Variants in PRKG1 observed in about 807,000 individuals in gnomAD.
PRKG1 encodes protein kinase cGMP-dependent 1, also known as cGMP-dependent protein kinase 1.
PRKG1 carries 35 observed loss-of-function variants against 88.1 expected under a neutral mutation model. That is an observed-to-expected ratio of 0.40 (90% CI 0.30 to 0.53). PRKG1 has a LOEUF of 0.53. Among genes scored for constraint, PRKG1 ranks in the 20% least tolerant of loss-of-function variants. The pLI is 0.59. For missense variants in PRKG1, 540 were observed against 839.8 expected (o/e 0.64, Z 4.41); for synonymous variants, 303 against 292.5 (o/e 1.04, Z -0.37).
intron 3 of PRKG1, among the ~76,000 whole-genome samples, chr10:51,578,729 C>A (rs1326412994): frequency 6.6e-6 from 1 of 152,062 alleles, no homozygotes; most frequent in Non-Finnish European, 1.5e-5. Flanking sequence ...CCAACATTTT[C>A]AATAGAGTCT....
At chr10:51,688,282 C>A (rs986704422) in intron 3 of PRKG1, among the ~76,000 whole-genome samples, 60 of 151,978 alleles carry the variant, frequency 3.9e-4, no homozygotes, top group Admixed American at 3.7e-3. Context: ...CCAGGTGATG[C>A]TGGTGCTGCT....
At position 51,091,852 on chromosome 10, in the gene PRKG1, C is replaced by T. The variant is rs533319753; in HGVS notation, c.311+16951C>T. 2.0e-5 allele frequency among the ~76,000 whole-genome samples: 3 copies of T among 152,258 alleles called. No individual in the cohort carries two copies. The East Asian group carries it at 5.8e-4, about 29-fold the overall frequency. ...GGGAATAATTGCTCCATTTTAGGGA[C>T]AGCAAAAGTAAAGCAAGCTCAGAGA... On this transcript the variant is annotated intron_variant, in intron 1 of 17. Transcript: ENST00000373980.
At chr10:52,128,551 C>T (rs1476127976) in intron 7 of PRKG1, 10 of 985,270 alleles carry the variant, frequency 1.0e-5, no homozygotes, top group South Asian at 4.7e-5. Flanking sequence ...AGTCAGTGCA[C>T]GGAAACCTAT....
intron 1 of PRKG1, among the ~76,000 whole-genome samples, chr10:51,114,242 G>A (rs1845052505): frequency 6.6e-6 from 1 of 152,150 alleles, no homozygotes; most frequent in Non-Finnish European, 1.5e-5. Flanking sequence ...GAAAGCTAGG[G>A]AGGTTGTGGA....
intron 2 of PRKG1, among the ~76,000 whole-genome samples, chr10:51,439,650 A>C (rs293244): frequency 0.68 from 102,929 of 151,736 alleles, 35,759 homozygotes; most frequent in African/African-American, 0.79. Flanking sequence ...AAATTCCACT[A>C]AGCAAAGAAC....
At chr10:51,497,814 G>T (rs1840904391) in intron 3 of PRKG1, among the ~76,000 whole-genome samples, 1 of 152,084 alleles carries the variant, frequency 6.6e-6, no homozygotes, top group Non-Finnish European at 1.5e-5. Context: ...CCCAAATTTG[G>T]TTATCCATGG....
At chr10:52,062,325 TGAAAG>T (rs1846256047) in intron 6 of PRKG1, among the ~76,000 whole-genome samples, 2 of 152,204 alleles carry the variant, frequency 1.3e-5, no homozygotes, top group South Asian at 4.1e-4. Context: ...TAAAATAACT[TGAAAG>T]GATAACAAAA....
At chr10:51,081,950 G>A (rs1844122620) in intron 1 of PRKG1, among the ~76,000 whole-genome samples, 1 of 152,060 alleles carries the variant, frequency 6.6e-6, no homozygotes, top group South Asian at 2.1e-4. Flanking sequence ...GTAGAGACAG[G>A]GTCTCAGTTG....
intron 2 of PRKG1, among the ~76,000 whole-genome samples, chr10:51,301,551 A>C (rs1195403056): frequency 3.3e-5 from 5 of 152,202 alleles, no homozygotes; most frequent in Non-Finnish European, 7.3e-5. Flanking sequence ...TTTGGAAACT[A>C]ATGTTTAAGT....
intron 9 of PRKG1, among the ~76,000 whole-genome samples, chr10:52,227,271 G>A (rs1284240493): frequency 6.6e-6 from 1 of 152,044 alleles, no homozygotes; most frequent in Non-Finnish European, 1.5e-5. Flanking sequence ...TTCTTGAGGT[G>A]ATGCATTTCA....
intron 5 of PRKG1, among the ~76,000 whole-genome samples, chr10:51,922,756 A>G (rs1311019739): frequency 6.6e-6 from 1 of 152,040 alleles, no homozygotes; most frequent in Non-Finnish European, 1.5e-5. Flanking sequence ...GTCTAAACAC[A>G]TACTTTGTAT....
intron 5 of PRKG1, among the ~76,000 whole-genome samples, chr10:51,976,861 G>C (rs1366297864): frequency 1.3e-5 from 2 of 151,934 alleles, no homozygotes; most frequent in Non-Finnish European, 2.9e-5. Flanking sequence ...ACCTGTGTTA[G>C]CTACTTATTT....
At chr10:51,301,451 A>G (rs1840883322) in intron 2 of PRKG1, among the ~76,000 whole-genome samples, 2 of 152,166 alleles carry the variant, frequency 1.3e-5, no homozygotes, top group Non-Finnish European at 2.9e-5. Flanking sequence ...GGGAAAAAAT[A>G]TACAAAACCC....
rs544864836 is a variant in PRKG1 at position 51,009,140 on chromosome 10, C to A, written c.266+17496C>A. On this transcript the variant is annotated intron_variant, in intron 1 of 17. Transcript: ENST00000401604. ...CCTGTAATTTTAGAAGGAAAAAAAA[C>A]CCTTCTATGCTATAATTTCAATGCC... Among the ~76,000 whole-genome samples the A allele has an allele frequency of 3.4e-3, 511 of 152,162 alleles. 1 individual carries two copies. Among genetic ancestry groups the A allele is most frequent in the African/African-American group, 0.012 (495 of 41,506 alleles).
At chr10:51,310,980 C>T (rs1841170107) in intron 2 of PRKG1, among the ~76,000 whole-genome samples, 1 of 151,998 alleles carries the variant, frequency 6.6e-6, no homozygotes, top group Non-Finnish European at 1.5e-5. Flanking sequence ...TAGGTTGAGT[C>T]AAGAAGGCTG....
At chr10:51,349,456 G>GTGTGTGTGTGTGTGTGTGTGTGTGTGTA (rs1842188788) in intron 2 of PRKG1, among the ~76,000 whole-genome samples, 1 of 71,476 alleles carries the variant, frequency 1.4e-5, no homozygotes, top group African/African-American at 6.3e-5. Flanking sequence ...CATATTGTTT[G>GTGTGTGTGTGTGTGTGTGTGTGTGTGTA]TGTGTGTGTG....
chr10:51,944,440 G>C (rs1370585907), intron 5 of PRKG1, among the ~76,000 whole-genome samples: 1 of 151,818 alleles, frequency 6.6e-6, no homozygotes, highest in African/African-American at 2.4e-5. Flanking sequence ...AGGGTTTTTT[G>C]TATCTCTATT....
At chr10:51,330,990 C>T (rs1841726632) in intron 2 of PRKG1, among the ~76,000 whole-genome samples, 1 of 152,126 alleles carries the variant, frequency 6.6e-6, no homozygotes, top group Non-Finnish European at 1.5e-5. Flanking sequence ...CGGTGCTCCT[C>T]ATAGTCTCAG....
chr10:51,491,151 A>G (rs940324870), intron 3 of PRKG1, among the ~76,000 whole-genome samples: 1 of 152,092 alleles, frequency 6.6e-6, no homozygotes, highest in African/African-American at 2.4e-5. Context: ...GATAAATCTG[A>G]TGAATCTCCT....
Sources: allele counts gnomAD v4.1 joint callset (sites outside exome capture counted in the v4.1 genomes callset), GRCh38; gene constraint gnomAD v4.1.1; transcripts MANE v1.5; gene names NCBI Gene and HGNC (gene_info 2026-07-23, HGNC 2026-07-21).